Variants in CALD1 observed in about 807,000 individuals in gnomAD.
CALD1 encodes caldesmon.
In CALD1, 33 loss-of-function variants were observed where a neutral mutation model predicts 99.9. That is an observed-to-expected ratio of 0.33 (90% CI 0.25 to 0.44). CALD1 has a LOEUF of 0.44. Ranked by LOEUF, CALD1 falls within the 20% of genes least tolerant of loss-of-function variation. The pLI, the probability that CALD1 is intolerant of heterozygous loss-of-function variation, is 1.00. For synonymous variants in CALD1, 310 were observed against 325.0 expected (o/e 0.95, Z 0.50); for missense variants, 861 against 962.1 (o/e 0.89, Z 1.39).
upstream of CALD1, among the ~76,000 whole-genome samples, chr7:134,775,832 T>C (rs371063691): frequency 2.6e-5 from 4 of 152,370 alleles, no homozygotes; most frequent in African/African-American, 9.6e-5. Flanking sequence ...GTCAGGTTTT[T>C]CATGCCCTTA....
At chr7:134,827,927 G>C (rs1799069005) in intron 1 of CALD1, among the ~76,000 whole-genome samples, 2 of 152,200 alleles carry the variant, frequency 1.3e-5, no homozygotes, top group South Asian at 4.1e-4. Context: ...ATCACCAAGA[G>C]CCTTTCTGAG....
At chr7:134,862,310 T>C (rs1800598025) in intron 2 of CALD1, among the ~76,000 whole-genome samples, 1 of 152,174 alleles carries the variant, frequency 6.6e-6, no homozygotes, top group Admixed American at 6.5e-5. Context: ...CACTTTGAAA[T>C]TCCATAAAAT....
chr7:134,960,396 A>G, intron 12 of CALD1, 137 bp from the exon 13 acceptor site: 2 of 677,156 alleles, frequency 3.0e-6, no homozygotes, highest in South Asian at 3.7e-5. Flanking sequence ...CAGATAACAT[A>G]TTCTGTAAAT....
In CALD1 at chr7:134,968,392, T is replaced by C; in HGVS notation, c.*47T>C. ...AGCTCAAGACGCAGGACGAGCTCAG[T>C]TGTAGAGGGCTAATTCGCTCTGTTT... On this transcript the variant is annotated 3_prime_UTR_variant, in exon 15 of 15. Transcript: ENST00000361675. 6.4e-7 allele frequency: 1 copy of C among 1,574,786 alleles called. No individual in the cohort carries two copies. Among genetic ancestry groups the C allele is most frequent in the Non-Finnish European group, 8.7e-7 (1 of 1,144,246 alleles).
intron 2 of CALD1, among the ~76,000 whole-genome samples, chr7:134,845,922 T>G (rs1339907016): frequency 1.3e-5 from 2 of 152,246 alleles, no homozygotes; most frequent in East Asian, 3.9e-4. Context: ...CTAGTGTTTT[T>G]GGACCTATTT....
intron 3 of CALD1, among the ~76,000 whole-genome samples, chr7:134,911,198 C>CTTTTTTTTTTTT (rs964515625): frequency 1.7e-5 from 2 of 118,120 alleles, no homozygotes; most frequent in Non-Finnish European, 1.8e-5. Context: ...TTTCCTTTTT[C>CTTTTTTTTTTTT]TTTTTTTTTT....
chr7:134,891,379 C>T, intron 3 of CALD1: 1 of 1,253,788 alleles, frequency 8.0e-7, no homozygotes, highest in Admixed American at 3.8e-5. Flanking sequence ...AATCAGCTCT[C>T]TGATGATCCT....
At chr7:134,848,257 T>A (rs989604253) in intron 2 of CALD1, among the ~76,000 whole-genome samples, 1 of 152,142 alleles carries the variant, frequency 6.6e-6, no homozygotes, top group Non-Finnish European at 1.5e-5. Context: ...AACTTATAAC[T>A]TGGATTTTTT....
chr7:134,934,186 CA>C, intron 5 of CALD1, 109 bp downstream of exon 5: 1 of 1,479,314 alleles, frequency 6.8e-7, no homozygotes, highest in Admixed American at 2.2e-5. Flanking sequence ...CATGCTTGAT[CA>C]TTTGGCAAGC....
chr7:134,913,637 T>C (rs974299726), intron 3 of CALD1, among the ~76,000 whole-genome samples: 1 of 152,158 alleles, frequency 6.6e-6, no homozygotes, highest in Non-Finnish European at 1.5e-5. Flanking sequence ...TAGTATAGTA[T>C]GAAAAGTCAT....
intron 3 of CALD1, among the ~76,000 whole-genome samples, chr7:134,875,123 A>T (rs1801286804): frequency 6.6e-6 from 1 of 152,226 alleles, no homozygotes; most frequent in African/African-American, 2.4e-5. Context: ...TTTGCTCAAA[A>T]TTTCCCTTCA....
chr7:134,965,378 C>A lies in CALD1; in HGVS notation c.2368C>A (p.Pro790Thr). 1 of 1,497,630 alleles carries A rather than the reference C, an allele frequency of 6.7e-7. No homozygotes were observed. The highest frequency in any genetic ancestry group is 9.3e-7 in the Non-Finnish European group (1 of 1,073,656). 92.8% of individuals were successfully genotyped at this position (1,497,630 alleles called of 1,614,324 possible). A position where few individuals can be genotyped will look rare whatever the true frequency, so the allele number is the denominator to read the frequency against. The stretch of plus-strand genomic sequence containing the variant: ...GCAATCTGTGGATAAGGTCACTTCC[C>A]CCACTAAGGTAATCTATTGGGAAGA... ...EKQSVDKVTS[P>T]TKV is the part of the protein sequence containing the mutation. Residue 790 changes from proline (P) to threonine (T), a missense_variant, in exon 14 of 15, where the codon CCC (proline) becomes ACC (threonine). Coordinates refer to ENST00000361675, the MANE Select transcript of CALD1 (RefSeq NM_033138.4).
At chr7:134,794,379 C>T (rs570575959) in intron 1 of CALD1, among the ~76,000 whole-genome samples, 2 of 152,198 alleles carry the variant, frequency 1.3e-5, no homozygotes, top group African/African-American at 2.4e-5. Context: ...AAGAAAGTGA[C>T]AGGTGAGCTA....
the CALD1 span, among the ~76,000 whole-genome samples, chr7:134,719,587 C>T: frequency 2.0e-5 from 3 of 152,100 alleles, no homozygotes; most frequent in African/African-American, 7.2e-5. Context: ...GGAAAGAAAC[C>T]GGTAGTTTGC....
rs1479700984 is a variant in CALD1, at chr7:134,969,102, T to C, written c.*757T>C. The C allele has an allele frequency of 1.3e-5, 2 of 153,222 alleles. No homozygotes were observed. Among genetic ancestry groups the C allele is most frequent in the African/African-American group, 4.8e-5 (2 of 41,458 alleles). The allele number at this position is 153,222 out of a possible 1,614,324, so 9.5% of individuals were successfully genotyped here. On this transcript the variant is annotated 3_prime_UTR_variant, in exon 15 of 15. Coordinates refer to ENST00000361675, the MANE Select transcript of CALD1 (RefSeq NM_033138.4). The stretch of plus-strand genomic sequence containing the variant: ...TGCTTTTTTATGTGCTAGACTATTA[T>C]ATTTAGTAGTATGTCATTGTAACTA...
chr7:134,778,724 C>T (rs1336355837), upstream of CALD1, among the ~76,000 whole-genome samples: 1 of 152,198 alleles, frequency 6.6e-6, no homozygotes, highest in Non-Finnish European at 1.5e-5. Context: ...CATTATGTCA[C>T]CTCTGCGGGA....
At chr7:134,935,849 A>G in intron 6 of CALD1, 84 bp downstream of exon 6, 1 of 1,353,084 alleles carries the variant, frequency 7.4e-7, no homozygotes, top group South Asian at 1.4e-5. Context: ...GATGATCTCA[A>G]AATTGTAACC....
chr7:134,764,838 A>G (rs1043096100), intron 1 of CALD1, among the ~76,000 whole-genome samples: 3 of 152,144 alleles, frequency 2.0e-5, no homozygotes, highest in African/African-American at 7.2e-5. Flanking sequence ...GCACTACGTG[A>G]TGTGGGGCTG....
intron 1 of CALD1, among the ~76,000 whole-genome samples, chr7:134,836,728 A>G (rs1258303803): frequency 6.6e-6 from 1 of 152,234 alleles, no homozygotes; most frequent in Admixed American, 6.5e-5. Context: ...ATAAGACCGC[A>G]AACGACTTTC....
Sources: gnomAD v4.1 joint callset for allele counts (sites outside exome capture counted in the v4.1 genomes callset) on GRCh38, gnomAD v4.1.1 for gene constraint, MANE v1.5 for transcripts, NCBI Gene and HGNC (gene_info 2026-07-23, HGNC 2026-07-21) for gene names.